KIF13B: variants seen among roughly 807,000 people sequenced by gnomAD.
The protein encoded by KIF13B is kinesin-like protein KIF13B.
KIF13B carries 127 observed loss-of-function variants against 222.0 expected under a neutral mutation model. The observed-to-expected ratio is 0.57, with a 90% confidence interval of 0.50 to 0.66. The LOEUF (loss-of-function observed/expected upper bound fraction) is 0.66, where lower values mean the gene tolerates loss of function less well. KIF13B is among the 30% of genes least tolerant of loss of function. The probability of loss-of-function intolerance (pLI) is 0.00; values close to 1 mark genes in which losing one functional copy is unlikely to be tolerated. For missense variants in KIF13B, 2,173 were observed against 2,379.0 expected, an observed-to-expected ratio of 0.91 and a Z score of 1.80; for synonymous variants, 976 against 919.0, an observed-to-expected ratio of 1.06 and a Z score of -1.12.
At chr8:29,191,608 A>G (rs1265151000) in intron 3 of KIF13B, among the ~76,000 whole-genome samples, 1 of 152,242 alleles carries the variant, frequency 6.6e-6, no homozygotes, top group Non-Finnish European at 1.5e-5. Context: ...CCATATTTGT[A>G]CCAAAAAACT....
chr8:29,130,280 G>C (rs1013655954), intron 24 of KIF13B, among the ~76,000 whole-genome samples: 5 of 152,194 alleles, frequency 3.3e-5, no homozygotes, highest in African/African-American at 1.2e-4. Context: ...GGAAGGCCAA[G>C]GTGGGAGGAT....
intron 24 of KIF13B, among the ~76,000 whole-genome samples, chr8:29,129,828 T>C (rs1810269118): frequency 6.6e-6 from 1 of 152,198 alleles, no homozygotes; most frequent in Non-Finnish European, 1.5e-5. Flanking sequence ...ACCTGGCATG[T>C]CAGGCCCTGT....
chr8:29,239,918 C>T (rs1815688116), intron 2 of KIF13B, among the ~76,000 whole-genome samples: 1 of 151,720 alleles, frequency 6.6e-6, no homozygotes, highest in African/African-American at 2.4e-5. Context: ...GTGCCTTGGC[C>T]TCTCAAACTG....
chr8:29,147,622 A>G lies in KIF13B; in HGVS notation c.1814-20T>C. 1 of 1,553,322 alleles carries G rather than the reference A, an allele frequency of 6.4e-7. No individual in the cohort carries two copies. The highest frequency in any genetic ancestry group is 8.9e-7 in the Non-Finnish European group (1 of 1,129,816). ...TCGGATCTAAACACATTTTTAAAAA[A>G]GATACATGATCGAGAGTTACAACAT... is the stretch of plus-strand genomic sequence containing the variant. On this transcript the variant is annotated intron_variant, in intron 16 of 39. Coordinates refer to ENST00000524189, the MANE Select transcript of KIF13B (RefSeq NM_015254.4).
intron 2 of KIF13B, among the ~76,000 whole-genome samples, chr8:29,215,557 T>C (rs1003071633): frequency 2.0e-5 from 3 of 152,144 alleles, no homozygotes; most frequent in Non-Finnish European, 4.4e-5. Context: ...CCAGGCACGA[T>C]GGCATGCGTC....
chr8:29,252,044 G>T (rs1816305839), intron 1 of KIF13B, among the ~76,000 whole-genome samples: 1 of 151,628 alleles, frequency 6.6e-6, no homozygotes, highest in South Asian at 2.1e-4. Context: ...AGGGAAGGGG[G>T]ATGGGAGAAG....
At chr8:29,098,776 G>C in intron 36 of KIF13B, among the ~76,000 whole-genome samples, 1 of 151,696 alleles carries the variant, frequency 6.6e-6, no homozygotes, top group South Asian at 2.1e-4. Context: ...TTCCCAAGTC[G>C]TTTTATGAAG....
chr8:29,140,366 T>G (rs1810759637), intron 20 of KIF13B, 102 bp downstream of exon 20: 7 of 1,405,680 alleles, frequency 5.0e-6, no homozygotes, highest in Non-Finnish European at 5.8e-6. Flanking sequence ...AAGGTATTAA[T>G]AAGACACGTT....
intron 7 of KIF13B, among the ~76,000 whole-genome samples, chr8:29,181,557 A>C (rs1812713396): frequency 6.6e-6 from 1 of 152,252 alleles, no homozygotes; most frequent in South Asian, 2.1e-4. Flanking sequence ...TTACAAAAAA[A>C]TTCACCATGA....
At chr8:29,170,388 C>G (rs141633960) in intron 10 of KIF13B, among the ~76,000 whole-genome samples, 1 of 152,186 alleles carries the variant, frequency 6.6e-6, no homozygotes, top group African/African-American at 2.4e-5. Flanking sequence ...CTCATTCACT[C>G]GACTCTTCCT....
intron 23 of KIF13B, among the ~76,000 whole-genome samples, chr8:29,131,421 G>A (rs561392240): frequency 6.6e-5 from 10 of 151,830 alleles, no homozygotes; most frequent in Non-Finnish European, 1.2e-4. Context: ...CTTCAGTGAT[G>A]TGCCAAGTAT....
chr8:29,229,657 G>A (rs189333845), intron 2 of KIF13B, among the ~76,000 whole-genome samples: 2 of 152,112 alleles, frequency 1.3e-5, no homozygotes, highest in Non-Finnish European at 1.5e-5. Flanking sequence ...CCTTGACCAC[G>A]GAGTTCCTTT....
Position 29,167,602 on chromosome 8 carries a change from A to G in KIF13B, c.946-17T>C, listed in dbSNP as rs118092052. The G allele has an allele frequency of 7.7e-3, 12,229 of 1,598,410 alleles. 60 individuals are homozygous for G. The highest frequency in any genetic ancestry group is 8.8e-3 in the Non-Finnish European group (10,313 of 1,165,734). ...GAGGCTGTCCTACAGGAGAAAACAG[A>G]AAGTTGAGTAGCATATTAAAGTTGG... On this transcript the variant is annotated splice_polypyrimidine_tract_variant and intron_variant, in intron 10 of 39. Transcript: ENST00000524189.
At chr8:29,127,807 A>C (rs187167020) in intron 24 of KIF13B, among the ~76,000 whole-genome samples, 1 of 152,166 alleles carries the variant, frequency 6.6e-6, no homozygotes, top group African/African-American at 2.4e-5. Flanking sequence ...ATAATCATAC[A>C]TATACACAAA....
At chr8:29,125,491 T>C (rs889025839) in intron 26 of KIF13B, among the ~76,000 whole-genome samples, 1 of 152,242 alleles carries the variant, frequency 6.6e-6, no homozygotes, top group Non-Finnish European at 1.5e-5. Context: ...TAGTGATTAA[T>C]GTCAGCTTGA....
At chr8:29,220,398 T>C (rs769857710) in intron 2 of KIF13B, among the ~76,000 whole-genome samples, 20 of 152,198 alleles carry the variant, frequency 1.3e-4, no homozygotes, top group Non-Finnish European at 2.8e-4. Flanking sequence ...GGGATGGTTG[T>C]TGCTTTTTCA....
At chr8:29,263,083 G>T (rs535194258), upstream of KIF13B, 77 of 1,546,108 alleles carry the variant, frequency 5.0e-5, no homozygotes, top group South Asian at 7.4e-4. Context: ...CGCGGCCACC[G>T]GCGACTCTTC....
intron 15 of KIF13B, among the ~76,000 whole-genome samples, chr8:29,149,035 A>G (rs1202274332): frequency 6.6e-6 from 1 of 152,208 alleles, no homozygotes; most frequent in Non-Finnish European, 1.5e-5. Flanking sequence ...GCAAGGTGAT[A>G]AAGGAAGGTG....
At chr8:29,079,547 A>G (rs1182115807) in intron 37 of KIF13B, among the ~76,000 whole-genome samples, 2 of 152,252 alleles carry the variant, frequency 1.3e-5, no homozygotes, top group Non-Finnish European at 2.9e-5. Context: ...AGTGACATAA[A>G]GAAGACTAAA....
Sources: allele counts gnomAD v4.1 joint callset (sites outside exome capture counted in the v4.1 genomes callset), GRCh38; gene constraint gnomAD v4.1.1; transcripts MANE v1.5; gene names NCBI Gene and HGNC (gene_info 2026-07-23, HGNC 2026-07-21).